Variants in ZFP64 observed in about 807,000 individuals in gnomAD.
ZFP64 encodes zinc finger protein 64.
A neutral mutation model predicts 51.6 loss-of-function variants in ZFP64; 14 were observed. The observed-to-expected ratio is 0.27, with a 90% confidence interval of 0.18 to 0.42. The LOEUF is 0.42. ZFP64 is among the 10% of genes least tolerant of loss of function. ZFP64 has a pLI of 1.00. For synonymous variants in ZFP64, 375 were observed against 361.4 expected (o/e 1.04, Z -0.43); for missense variants, 754 against 906.8 (o/e 0.83, Z 2.16).
At chr20:52,189,112 C>T (rs1277798044) in intron 1 of ZFP64, among the ~76,000 whole-genome samples, 1 of 152,130 alleles carries the variant, frequency 6.6e-6, no homozygotes, top group Non-Finnish European at 1.5e-5. Context: ...ATTTTCTTTA[C>T]ACTTAAAAGT....
At chr20:52,088,506 T>C (rs763757628) in exon 8 of ZFP64, 14 of 1,614,214 alleles carry the variant, frequency 8.7e-6, no homozygotes, top group Non-Finnish European at 1.1e-5. Context: ...TTCTTGAGGC[T>C]ACTGCTGTCC....
chr20:52,084,025 CTTTT>C (rs1450568030), exon 9 of ZFP64: 1 of 152,406 alleles, frequency 6.6e-6, no homozygotes, highest in Admixed American at 6.5e-5. Context: ...ATGAGTCTGC[CTTTT>C]TTATTGTAAG....
chr20:52,130,641 C>A (rs1302948950), intron 5 of ZFP64, among the ~76,000 whole-genome samples: 1 of 152,130 alleles, frequency 6.6e-6, no homozygotes, highest in Non-Finnish European at 1.5e-5. Context: ...AGTAGGTGTT[C>A]AGGAAACATT....
intron 5 of ZFP64, among the ~76,000 whole-genome samples, chr20:52,103,100 T>C (rs1202814407): frequency 6.6e-6 from 1 of 152,066 alleles, no homozygotes; most frequent in African/African-American, 2.4e-5. Flanking sequence ...CTGGGAAAGG[T>C]GCAGCTGGGG....
downstream of ZFP64, among the ~76,000 whole-genome samples, chr20:52,146,694 C>T (rs1980546471): frequency 6.6e-6 from 1 of 152,126 alleles, no homozygotes; most frequent in African/African-American, 2.4e-5. Flanking sequence ...CTAACCTGCA[C>T]ATTGTGCACA....
chr20:52,166,456 T>C (rs1982281306), intron 2 of ZFP64, among the ~76,000 whole-genome samples: 1 of 151,862 alleles, frequency 6.6e-6, no homozygotes, highest in Non-Finnish European at 1.5e-5. Context: ...CTATACTTTT[T>C]TCTTTTTTTT....
intron 5 of ZFP64, among the ~76,000 whole-genome samples, chr20:52,124,755 T>C (rs997193441): frequency 2.7e-5 from 4 of 149,836 alleles, no homozygotes; most frequent in Admixed American, 2.0e-4. Flanking sequence ...TACAGGTACA[T>C]CTGGCTAATT....
intron 5 of ZFP64, among the ~76,000 whole-genome samples, chr20:52,115,197 CAAAAAAAAA>C: frequency 1.1e-5 from 1 of 90,036 alleles, no homozygotes; most frequent in Non-Finnish European, 2.0e-5. Context: ...GAGTGAGTCT[CAAAAAAAAA>C]AAAAAAAAAG....
At position 52,189,296 on chromosome 20, in the gene ZFP64, T is replaced by C. The variant is rs187579117; in HGVS notation, c.47-2225A>G. 2.1e-3 allele frequency among the ~76,000 whole-genome samples: 324 copies of C among 151,162 alleles called. 1 individual carries two copies. Among genetic ancestry groups the C allele is most frequent in the African/African-American group, 7.6e-3 (314 of 41,204 alleles). Reference sequence around the variant, plus strand: ...CAGTAATCCCAGCTACTCAGAAGGCTGAGGCAGGAGAATTGCTTGAACCTG... The same window carrying C: ...CAGTAATCCCAGCTACTCAGAAGGCCGAGGCAGGAGAATTGCTTGAACCTG... On this transcript the variant is annotated intron_variant, in intron 1 of 5. Transcript: ENST00000216923.
At chr20:52,173,282 A>G (rs908011252) in intron 2 of ZFP64, among the ~76,000 whole-genome samples, 13 of 152,228 alleles carry the variant, frequency 8.5e-5, no homozygotes, top group African/African-American at 2.9e-4. Context: ...TCTACACAGA[A>G]AAGTTGAGAG....
At position 52,116,446 on chromosome 20, in the gene ZFP64, CT is replaced by C. The variant is rs1167376554; in HGVS notation, c.764-17860del. Among the ~76,000 whole-genome samples, 488 of 91,266 alleles carry C rather than the reference CT, an allele frequency of 5.3e-3. 1 individual carries two copies. Among genetic ancestry groups the C allele is most frequent in the Middle Eastern group, 0.017 (3 of 180 alleles). 59.9% of individuals were successfully genotyped at this position (91,266 alleles called of 152,430 possible). A position where few individuals can be genotyped will look rare whatever the true frequency, so the allele number is the denominator to read the frequency against. ...CCACTGCGCCTGGCCATATTTCTTT[CT>C]TTTTTTTTTTTTTTAAAGAAAATAA... On this transcript the variant is annotated intron_variant, in intron 5 of 8. Transcript: ENST00000361387.
chr20:52,188,308 CTT>C (rs1164512289), intron 1 of ZFP64, among the ~76,000 whole-genome samples: 17,809 of 104,512 alleles, frequency 0.17, 1,760 homozygotes, highest in African/African-American at 0.34. Flanking sequence ...CTTTTTCTTT[CTT>C]TTTTTTTTTT....
At chr20:52,151,244 C>T, downstream of ZFP64, 2 of 985,366 alleles carry the variant, frequency 2.0e-6, no homozygotes, top group Non-Finnish European at 2.4e-6. Flanking sequence ...ATTCCCAAAT[C>T]CCACCTTGGC....
Position 52,153,500 on chromosome 20 carries a change from C to A in ZFP64, c.764-72G>T. ...ACAGCGGATCCCCCCGAAGCACACA[C>A]CAGAAAATCGCTTATACAAGGTGGG... On this transcript the variant is annotated intron_variant, in intron 5 of 5. Coordinates refer to ENST00000216923, the MANE Select transcript of ZFP64 (RefSeq NM_018197.3). The surrounding 1 kb of genome is among the most constrained non-coding windows in gnomAD (Gnocchi z 5.1). 6 of 1,521,662 alleles carry A rather than the reference C, an allele frequency of 3.9e-6. No individual in the cohort carries two copies. Among genetic ancestry groups the A allele is most frequent in the Non-Finnish European group, 5.3e-6 (6 of 1,133,268 alleles). The allele number at this position is 1,521,662 out of a possible 1,614,324, so 94.3% of individuals were successfully genotyped here. A position where few individuals can be genotyped will look rare whatever the true frequency, so the allele number is the denominator to read the frequency against.
intron 2 of ZFP64, among the ~76,000 whole-genome samples, chr20:52,170,621 T>C (rs1982644389): frequency 6.6e-6 from 1 of 152,230 alleles, no homozygotes; most frequent in Non-Finnish European, 1.5e-5. Flanking sequence ...TCCTTGGTCC[T>C]CAGTTTCTTT....
At chr20:52,141,802 T>G (rs1310569188) in intron 5 of ZFP64, among the ~76,000 whole-genome samples, 1 of 152,208 alleles carries the variant, frequency 6.6e-6, no homozygotes, top group African/African-American at 2.4e-5. Context: ...GAATCCAATT[T>G]TGAAAGCAGT....
chr20:52,094,731 C>T (rs1156790267), intron 7 of ZFP64, among the ~76,000 whole-genome samples: 1 of 150,076 alleles, frequency 6.7e-6, no homozygotes, highest in African/African-American at 2.5e-5. Flanking sequence ...AGAGAAGACC[C>T]TGTCTCAAAA....
chr20:52,143,163 T>A (rs1346420742), intron 5 of ZFP64, among the ~76,000 whole-genome samples: 1 of 143,708 alleles, frequency 7.0e-6, no homozygotes, highest in Non-Finnish European at 1.5e-5. Context: ...CTGGGAAATT[T>A]AAAAATACGT....
chr20:52,182,507 C>G lies in ZFP64; in HGVS notation c.286+4325G>C, dbSNP rs138084635. 3.2e-3 allele frequency among the ~76,000 whole-genome samples: 489 copies of G among 152,288 alleles called. 3 individuals are homozygous for G. The highest frequency in any genetic ancestry group is 0.011 in the African/African-American group (474 of 41,568). On this transcript the variant is annotated intron_variant, in intron 2 of 5. Transcript: ENST00000216923. ...CCCAAGATGGGAGGATCATTTCAGC[C>G]CAGGAGTTCAAGACCAGCCTGTGCA... is the stretch of plus-strand genomic sequence containing the variant.
Sources: gnomAD v4.1 joint callset for allele counts (sites outside exome capture counted in the v4.1 genomes callset) on GRCh38, gnomAD v4.1.1 for gene constraint, Gnocchi (gnomAD v3.1) non-coding constraint, MANE v1.5 for transcripts, NCBI Gene and HGNC (gene_info 2026-07-23, HGNC 2026-07-21) for gene names.